Variants in THSD7B observed in about 807,000 individuals in gnomAD.
THSD7B encodes the protein thrombospondin type-1 domain-containing protein 7B.
In THSD7B, 138 loss-of-function variants were observed where a neutral mutation model predicts 213.6. The ratio of observed to expected loss-of-function variants is 0.65; its 90% confidence interval spans 0.56 to 0.74. THSD7B has a LOEUF of 0.74. THSD7B is among the 30% of genes least tolerant of loss of function. THSD7B has a pLI of 0.00. For synonymous variants in THSD7B, 742 were observed against 687.0 expected, an observed-to-expected ratio of 1.08 and a Z score of -1.25; for missense variants, 1,931 against 1,991.5, an observed-to-expected ratio of 0.97 and a Z score of 0.58.
intron 7 of THSD7B, among the ~76,000 whole-genome samples, chr2:137,205,553 TTC>T (rs1354112471): frequency 6.6e-6 from 1 of 152,068 alleles, no homozygotes; most frequent in Non-Finnish European, 1.5e-5. Flanking sequence ...AAGAGCAGTT[TTC>T]TGTTTCGTAT....
chr2:137,455,306 T>G (rs762664375), intron 15 of THSD7B, among the ~76,000 whole-genome samples: 7 of 152,180 alleles, frequency 4.6e-5, no homozygotes, highest in Admixed American at 2.6e-4. Context: ...TGATTTGTCA[T>G]TAGAATTCTC....
At chr2:137,428,611 A>G (rs899268071) in intron 14 of THSD7B, among the ~76,000 whole-genome samples, 1 of 152,204 alleles carries the variant, frequency 6.6e-6, no homozygotes, top group African/African-American at 2.4e-5. Context: ...TTGGCAATTA[A>G]AAGAATGATG....
intron 1 of THSD7B, among the ~76,000 whole-genome samples, chr2:136,845,920 A>G (rs1214394017): frequency 2.6e-5 from 4 of 152,196 alleles, no homozygotes; most frequent in African/African-American, 9.7e-5. Flanking sequence ...TGTTGTTTAT[A>G]CAAAAGGGGT....
chr2:136,796,982 A>ACACACACACG (rs1164467307), intron 1 of THSD7B, among the ~76,000 whole-genome samples: 49 of 79,690 alleles, frequency 6.1e-4, no homozygotes, highest in African/African-American at 2.1e-3. Flanking sequence ...ATATTTGATC[A>ACACACACACG]CACACACACA....
At chr2:137,204,055 G>A (rs1680932069) in intron 7 of THSD7B, among the ~76,000 whole-genome samples, 1 of 152,010 alleles carries the variant, frequency 6.6e-6, no homozygotes, top group Non-Finnish European at 1.5e-5. Context: ...ACATCAAATA[G>A]TTTTCAGATT....
chr2:137,167,494 G>A (rs777158884), intron 6 of THSD7B, among the ~76,000 whole-genome samples: 2 of 152,114 alleles, frequency 1.3e-5, no homozygotes, highest in Non-Finnish European at 2.9e-5. Context: ...GATAGCTCAT[G>A]TGTACACTTC....
chr2:137,143,574 A>T (rs1332991558), intron 5 of THSD7B, among the ~76,000 whole-genome samples: 34 of 152,100 alleles, frequency 2.2e-4, no homozygotes, highest in Admixed American at 2.2e-3. Flanking sequence ...TCCTTTTAAC[A>T]TTACACTGCT....
At chr2:137,050,614 C>T (rs566835133) in intron 2 of THSD7B, among the ~76,000 whole-genome samples, 49 of 152,242 alleles carry the variant, frequency 3.2e-4, no homozygotes, top group African/African-American at 1.2e-3. Context: ...TCATGAACTA[C>T]CTTTATAAGT....
chr2:137,550,674 G>C (rs1216501518), intron 15 of THSD7B, among the ~76,000 whole-genome samples: 1 of 152,062 alleles, frequency 6.6e-6, no homozygotes, highest in African/African-American at 2.4e-5. Flanking sequence ...GTACATGCAT[G>C]GCTTACGACT....
chr2:137,160,379 T>C lies in THSD7B; in HGVS notation c.1525+11T>C. On this transcript the variant is annotated intron_variant, in intron 6 of 27. Coordinates refer to ENST00000409968, the MANE Select transcript of THSD7B (RefSeq NM_001316349.2). Reference sequence around the variant, plus strand: ...CTCAGGGGAAAAAAGGTGAGTGCCTTGTTTGCATGCGCTTCATTTGCTGTC... The same window carrying C: ...CTCAGGGGAAAAAAGGTGAGTGCCTCGTTTGCATGCGCTTCATTTGCTGTC... The C allele has an allele frequency of 6.2e-7, 1 of 1,610,978 alleles. No homozygotes were observed. Among genetic ancestry groups the C allele is most frequent in the East Asian group, 2.2e-5 (1 of 44,782 alleles).
chr2:137,408,174 C>T (rs571682014), intron 13 of THSD7B, among the ~76,000 whole-genome samples: 34 of 152,114 alleles, frequency 2.2e-4, no homozygotes, highest in Admixed American at 2.0e-3. Context: ...AACAGTGATG[C>T]TATATAATTA....
At chr2:137,521,434 TGGA>T (rs376625621) in intron 15 of THSD7B, among the ~76,000 whole-genome samples, 38 of 152,100 alleles carry the variant, frequency 2.5e-4, no homozygotes, top group African/African-American at 8.5e-4. Context: ...ATAAGTCATG[TGGA>T]GTGCAGCACA....
At chr2:137,673,373 A>C (rs1360062165) in intron 27 of THSD7B, among the ~76,000 whole-genome samples, 1 of 152,204 alleles carries the variant, frequency 6.6e-6, no homozygotes, top group African/African-American at 2.4e-5. Flanking sequence ...GTTAGGAAGA[A>C]TGATGAGGCT....
intron 7 of THSD7B, among the ~76,000 whole-genome samples, chr2:137,214,086 G>T (rs116821542): frequency 0.011 from 1,661 of 152,210 alleles, 21 homozygotes; most frequent in African/African-American, 0.038. Flanking sequence ...GGGAGGAAAA[G>T]AAATAAACTA....
rs1682032554 is a variant in THSD7B at position 136,794,808 on chromosome 2, T to C, written c.-36+29121T>C. ...GAGTTGTTAAAATCTCCAATGATGATAGTGGATTTGTCTAGTTCTCTATTT... is the reference window on the plus strand; with the variant it reads ...GAGTTGTTAAAATCTCCAATGATGACAGTGGATTTGTCTAGTTCTCTATTT... On this transcript the variant is annotated intron_variant, in intron 1 of 27. Coordinates refer to ENST00000409968, the MANE Select transcript of THSD7B (RefSeq NM_001316349.2). 1.3e-5 allele frequency among the ~76,000 whole-genome samples: 2 copies of C among 151,470 alleles called. 1 individual carries two copies. The highest frequency in any genetic ancestry group is 4.2e-4 in the South Asian group (2 of 4,768).
intron 12 of THSD7B, among the ~76,000 whole-genome samples, chr2:137,300,355 A>C (rs1558748387): frequency 6.6e-6 from 1 of 152,154 alleles, no homozygotes; most frequent in African/African-American, 2.4e-5. Context: ...GGTTATGAAA[A>C]TTTAGAAGCT....
chr2:137,404,427 TGA>T (rs1297117336), intron 12 of THSD7B, among the ~76,000 whole-genome samples: 38 of 70,374 alleles, frequency 5.4e-4, no homozygotes, highest in South Asian at 4.3e-3. Context: ...AAAGAAACTC[TGA>T]GATATATATA....
intron 12 of THSD7B, among the ~76,000 whole-genome samples, chr2:137,318,786 C>CTTTTTTTTTTTTTTTTTTTT (rs70978212): frequency 1.4e-5 from 1 of 73,660 alleles, no homozygotes; most frequent in Non-Finnish European, 2.2e-5. Flanking sequence ...GAATGCTTAT[C>CTTTTTTTTTTTTTTTTTTTT]TTTTTTTTTT....
intron 15 of THSD7B, among the ~76,000 whole-genome samples, chr2:137,523,795 T>C (rs1156417219): frequency 1.3e-5 from 2 of 152,156 alleles, no homozygotes; most frequent in African/African-American, 2.4e-5. Context: ...GCACACTCTT[T>C]TTTAAGCTCT....
Sources: gnomAD v4.1 joint callset for allele counts (sites outside exome capture counted in the v4.1 genomes callset) on GRCh38, gnomAD v4.1.1 for gene constraint, MANE v1.5 for transcripts, NCBI Gene and HGNC (gene_info 2026-07-23, HGNC 2026-07-21) for gene names.